Variants in THSD4 observed in about 807,000 individuals in gnomAD.
THSD4 encodes the protein thrombospondin type-1 domain-containing protein 4.
A neutral mutation model predicts 119.0 loss-of-function variants in THSD4; 69 were observed. That is an observed-to-expected ratio of 0.58 (90% CI 0.48 to 0.71). The LOEUF (loss-of-function observed/expected upper bound fraction) is 0.71, where lower values mean the gene tolerates loss of function less well. Ranked by LOEUF, THSD4 falls within the 30% of genes least tolerant of loss-of-function variation. The pLI, the probability that THSD4 is intolerant of heterozygous loss-of-function variation, is 0.00. For missense variants in THSD4, 1,393 were observed against 1,391.1 expected, an observed-to-expected ratio of 1.00 and a Z score of -0.02; for synonymous variants, 524 against 540.4, an observed-to-expected ratio of 0.97 and a Z score of 0.42.
At chr15:71,135,028 T>C (rs1303292409) in intron 1 of THSD4, among the ~76,000 whole-genome samples, 1 of 146,236 alleles carries the variant, frequency 6.8e-6, no homozygotes, top group African/African-American at 2.6e-5. Context: ...CATGGAATAC[T>C]ATGCAGCCAT....
intron 6 of THSD4, among the ~76,000 whole-genome samples, chr15:71,266,333 C>T (rs1235105278): frequency 6.6e-6 from 1 of 152,146 alleles, no homozygotes; most frequent in Admixed American, 6.5e-5. Context: ...TGGAGTGGAC[C>T]TCCAACAAAC....
At chr15:71,298,015 G>A (rs2044889845) in intron 6 of THSD4, among the ~76,000 whole-genome samples, 1 of 151,796 alleles carries the variant, frequency 6.6e-6, no homozygotes, top group African/African-American at 2.4e-5. Context: ...AGAATTCATT[G>A]CCCAAATCTA....
At chr15:71,154,143 C>A (rs926264959) in intron 2 of THSD4, among the ~76,000 whole-genome samples, 5 of 152,170 alleles carry the variant, frequency 3.3e-5, no homozygotes, top group Admixed American at 1.3e-4. Flanking sequence ...GAAATGCTAA[C>A]GTGGAAATGT....
At chr15:71,763,630 C>A (rs1002631978) in intron 15 of THSD4, among the ~76,000 whole-genome samples, 5 of 152,020 alleles carry the variant, frequency 3.3e-5, no homozygotes, top group African/African-American at 1.2e-4. Flanking sequence ...TCACTGCAAC[C>A]TCTACCTCCC....
At chr15:71,104,817 G>T (rs1414947994) in intron 1 of THSD4, among the ~76,000 whole-genome samples, 1 of 152,140 alleles carries the variant, frequency 6.6e-6, no homozygotes, top group Non-Finnish European at 1.5e-5. Context: ...TAAAAATTTG[G>T]AGTCAACAGA....
intron 5 of THSD4, among the ~76,000 whole-genome samples, chr15:71,253,220 G>A (rs1428574906): frequency 2.0e-5 from 3 of 152,198 alleles, no homozygotes; most frequent in African/African-American, 7.2e-5. Flanking sequence ...AGATGTAAAT[G>A]ACTTATTGGT....
chr15:71,711,588 C>T (rs182723108), intron 8 of THSD4, among the ~76,000 whole-genome samples: 17 of 152,060 alleles, frequency 1.1e-4, no homozygotes, highest in African/African-American at 3.4e-4. Flanking sequence ...AGTCATGACT[C>T]GTTGTAAATA....
intron 4 of THSD4, among the ~76,000 whole-genome samples, chr15:71,217,539 C>T (rs545519413): frequency 2.6e-5 from 4 of 151,396 alleles, no homozygotes; most frequent in East Asian, 2.0e-4. Context: ...AGGAGAATGG[C>T]GTGAACCCGG....
At chr15:71,452,623 A>T (rs2047281635) in intron 7 of THSD4, among the ~76,000 whole-genome samples, 1 of 151,128 alleles carries the variant, frequency 6.6e-6, no homozygotes, top group African/African-American at 2.4e-5. Flanking sequence ...TTTATTATTT[A>T]TATTTTTTTG....
At chr15:71,536,790 A>G (rs1012628095) in intron 7 of THSD4, among the ~76,000 whole-genome samples, 5 of 152,090 alleles carry the variant, frequency 3.3e-5, no homozygotes, top group African/African-American at 9.7e-5. Context: ...ATGTGTTTTG[A>G]GTTAATTTGT....
At chr15:71,154,767 C>G in intron 2 of THSD4, 96 bp from the exon 3 acceptor site, 1 of 1,255,164 alleles carries the variant, frequency 8.0e-7, no homozygotes, top group Non-Finnish European at 1.2e-6. Flanking sequence ...GGCTGTTCCC[C>G]CCCCATCCAC....
chr15:71,466,957 CCT>C (rs1346454569), intron 7 of THSD4, among the ~76,000 whole-genome samples: 3 of 152,250 alleles, frequency 2.0e-5, no homozygotes, highest in African/African-American at 7.2e-5. Flanking sequence ...CCTATCCAGA[CCT>C]CTAATCCGGT....
intron 7 of THSD4, among the ~76,000 whole-genome samples, chr15:71,427,241 ACACTGGGCAAGG>A (rs11274760): frequency 3.0e-3 from 450 of 149,704 alleles, no homozygotes; most frequent in African/African-American, 0.011. Flanking sequence ...TCACTGCCAT[ACACTGGGCAAGG>A]CACTGGGCAA....
At chr15:71,758,179 C>A in intron 15 of THSD4, 104 bp downstream of exon 15, 1 of 1,321,468 alleles carries the variant, frequency 7.6e-7, no homozygotes, top group Non-Finnish European at 1.0e-6. Context: ...GCTTTGAATC[C>A]CAGCAGTGCC....
intron 7 of THSD4, among the ~76,000 whole-genome samples, chr15:71,617,151 C>T (rs1983033): frequency 6.6e-6 from 1 of 151,992 alleles, no homozygotes; most frequent in Non-Finnish European, 1.5e-5. Flanking sequence ...CTAACATAAA[C>T]TCCAATCTGA....
chr15:71,693,829 T>A (rs780613201), intron 8 of THSD4, among the ~76,000 whole-genome samples: 2 of 152,066 alleles, frequency 1.3e-5, no homozygotes, highest in Non-Finnish European at 2.9e-5. Flanking sequence ...ATGTAAGACA[T>A]CCCTTTGCTC....
At chr15:71,391,067 C>T (rs946735293) in intron 6 of THSD4, among the ~76,000 whole-genome samples, 14 of 148,334 alleles carry the variant, frequency 9.4e-5, no homozygotes, top group East Asian at 2.0e-4. Context: ...CGCGCTCTGT[C>T]GCCCAGGCTG....
In THSD4 at chr15:71,536,741, A is replaced by G. The variant is rs371440672; in HGVS notation, c.1153-123789A>G. Among the ~76,000 whole-genome samples the G allele has an allele frequency of 1.8e-3, 272 of 152,238 alleles. 17 individuals are homozygous for G. In the South Asian group the frequency reaches 0.055, roughly 31 times the overall value. On this transcript the variant is annotated intron_variant, in intron 7 of 17. Transcript: ENST00000261862. ...TTAGCAGTTTCCAAGTATATAATAT[A>G]TTATTATTAATTATAGTGACCATGA... is the stretch of plus-strand genomic sequence containing the variant.
chr15:71,719,285 A>C (rs143359623), intron 8 of THSD4, among the ~76,000 whole-genome samples: 1 of 152,244 alleles, frequency 6.6e-6, no homozygotes, highest in South Asian at 2.1e-4. Context: ...AATGTGTTAC[A>C]TCATGTTTTA....
Sources: gnomAD v4.1 joint callset for allele counts (sites outside exome capture counted in the v4.1 genomes callset) on GRCh38, gnomAD v4.1.1 for gene constraint, MANE v1.5 for transcripts, NCBI Gene and HGNC (gene_info 2026-07-23, HGNC 2026-07-21) for gene names.